Variants in CEP85L observed in about 807,000 individuals in gnomAD.
The protein encoded by CEP85L is centrosomal protein 85L.
A neutral mutation model predicts 100.3 loss-of-function variants in CEP85L; 60 were observed. The ratio of observed to expected loss-of-function variants is 0.60; its 90% CI spans 0.49 to 0.74. The LOEUF is 0.74. Among genes scored for constraint, CEP85L ranks in the 30% least tolerant of loss-of-function variants. CEP85L has a pLI of 0.00. For synonymous variants in CEP85L, 319 were observed against 322.7 expected, an observed-to-expected ratio of 0.99 and a Z score of 0.12; for missense variants, 973 against 936.2, an observed-to-expected ratio of 1.04 and a Z score of -0.51.
chr6:118,477,771 G>A (rs1773492793), intron 10 of CEP85L, among the ~76,000 whole-genome samples: 1 of 152,004 alleles, frequency 6.6e-6, no homozygotes, highest in Non-Finnish European at 1.5e-5. Flanking sequence ...GCACTGTGGA[G>A]GAAGAAAGAA....
At chr6:118,584,906 G>A (rs1037313434) in intron 2 of CEP85L, among the ~76,000 whole-genome samples, 3 of 152,202 alleles carry the variant, frequency 2.0e-5, no homozygotes, top group Non-Finnish European at 4.4e-5. Context: ...TTAAAGAATT[G>A]TTCTCACCTA....
At chr6:118,654,734 C>A (rs1381836603), upstream of CEP85L, among the ~76,000 whole-genome samples, 2 of 152,216 alleles carry the variant, frequency 1.3e-5, no homozygotes, top group Non-Finnish European at 2.9e-5. Flanking sequence ...ACCTGTGCCT[C>A]AATTCCCTTA....
At chr6:118,600,298 GGGGTGTGTGT>G (rs1562297686) in intron 2 of CEP85L, among the ~76,000 whole-genome samples, 930 of 59,182 alleles carry the variant, frequency 0.016, 182 homozygotes, top group Admixed American at 0.06. Flanking sequence ...AGCCTTCCTG[GGGGTGTGTGT>G]GTGTGTGTGT....
At chr6:118,497,200 A>G (rs1017957476) in intron 5 of CEP85L, among the ~76,000 whole-genome samples, 2 of 152,228 alleles carry the variant, frequency 1.3e-5, no homozygotes, top group African/African-American at 4.8e-5. Context: ...GTTTGAGACA[A>G]CTTCAAGTCT....
intron 2 of CEP85L, among the ~76,000 whole-genome samples, chr6:118,590,476 G>A (rs1210952305): frequency 6.6e-6 from 1 of 152,134 alleles, no homozygotes; most frequent in East Asian, 1.9e-4. Context: ...CATGTGTATA[G>A]AACATCATAG....
intron 3 of CEP85L, among the ~76,000 whole-genome samples, chr6:118,540,528 G>A (rs901923298): frequency 6.6e-5 from 10 of 151,990 alleles, no homozygotes; most frequent in African/African-American, 2.2e-4. Flanking sequence ...AGGCCAAGGC[G>A]GGCACATCAC....
At chr6:118,673,810 T>C (rs1257977548) in intron 1 of CEP85L, among the ~76,000 whole-genome samples, 1 of 152,128 alleles carries the variant, frequency 6.6e-6, no homozygotes, top group Admixed American at 6.5e-5. Context: ...AAGACTTAGT[T>C]GTAATGTAAA....
chr6:118,647,908 C>G (rs895407805), intron 1 of CEP85L, among the ~76,000 whole-genome samples: 1 of 152,104 alleles, frequency 6.6e-6, no homozygotes, highest in African/African-American at 2.4e-5. Context: ...ACCACACTTG[C>G]CAATACAAAA....
chr6:118,516,482 T>C (rs1386515710), intron 4 of CEP85L, among the ~76,000 whole-genome samples: 1 of 152,232 alleles, frequency 6.6e-6, no homozygotes. Context: ...GTGGTTTTGA[T>C]TTGCATTTCT....
chr6:118,482,336 TATATC>T (rs1773852861), intron 7 of CEP85L, among the ~76,000 whole-genome samples: 1 of 152,176 alleles, frequency 6.6e-6, no homozygotes, highest in Admixed American at 6.5e-5. Flanking sequence ...ATTGAAACTC[TATATC>T]AATTAAACAA....
At chr6:118,505,408 TCAAAAAAAAAAA>T (rs1562208411) in intron 5 of CEP85L, among the ~76,000 whole-genome samples, 1 of 18,376 alleles carries the variant, frequency 5.4e-5, no homozygotes, top group African/African-American at 2.0e-4. Context: ...GTCACTGTAC[TCAAAAAAAAAAA>T]AAAAAAAAAA....
At chr6:118,682,472 C>T (rs776861149) in intron 1 of CEP85L, among the ~76,000 whole-genome samples, 4 of 151,802 alleles carry the variant, frequency 2.6e-5, no homozygotes, top group Non-Finnish European at 4.4e-5. Flanking sequence ...CTAGATGCTG[C>T]GATTCAGAAA....
chr6:118,610,334 T>G (rs1274784718), intron 2 of CEP85L, among the ~76,000 whole-genome samples: 1 of 152,064 alleles, frequency 6.6e-6, no homozygotes, highest in East Asian at 1.9e-4. Flanking sequence ...CAGGCTGTAA[T>G]AAAGCACCCT....
At chr6:118,588,384 T>G (rs1337749037) in intron 2 of CEP85L, among the ~76,000 whole-genome samples, 8 of 152,326 alleles carry the variant, frequency 5.3e-5, no homozygotes, top group Non-Finnish European at 1.0e-4. Flanking sequence ...AACCACAATC[T>G]ATAGACTCTT....
chr6:118,701,870 C>T (rs1304927744), intron 1 of CEP85L, among the ~76,000 whole-genome samples: 1 of 152,030 alleles, frequency 6.6e-6, no homozygotes, highest in Non-Finnish European at 1.5e-5. Flanking sequence ...AACATTTACT[C>T]CTATACATAA....
chr6:118,670,531 G>A (rs1443943063), intron 1 of CEP85L, among the ~76,000 whole-genome samples: 1 of 150,388 alleles, frequency 6.6e-6, no homozygotes, highest in Non-Finnish European at 1.5e-5. Flanking sequence ...TTGGTTTTCT[G>A]TTCCTGTATT....
At chr6:118,489,271 CAAAAAAA>C (rs371393488) in intron 6 of CEP85L, among the ~76,000 whole-genome samples, 1 of 127,378 alleles carries the variant, frequency 7.9e-6, no homozygotes, top group Admixed American at 8.0e-5. Flanking sequence ...AGCTCTGTCT[CAAAAAAA>C]AAAAAAAAAA....
At chr6:118,528,580 C>G (rs1777107030) in intron 3 of CEP85L, among the ~76,000 whole-genome samples, 2 of 152,140 alleles carry the variant, frequency 1.3e-5, no homozygotes, top group African/African-American at 2.4e-5. Flanking sequence ...GTCTTCCTTA[C>G]TAAACTTAAA....
At chr6:118,606,013 C>CAAAAA (rs61023993) in intron 2 of CEP85L, among the ~76,000 whole-genome samples, 1 of 101,994 alleles carries the variant, frequency 9.8e-6, no homozygotes, top group Non-Finnish European at 1.9e-5. Flanking sequence ...GACTCTGTCT[C>CAAAAA]AAAAAAAAAA....
Sources: gnomAD v4.1 joint callset for allele counts (sites outside exome capture counted in the v4.1 genomes callset) on GRCh38, gnomAD v4.1.1 for gene constraint, MANE v1.5 for transcripts, NCBI Gene and HGNC (gene_info 2026-07-23, HGNC 2026-07-21) for gene names.